GSE1: variants seen among roughly 807,000 people sequenced by gnomAD.
The protein encoded by GSE1 is Gse1 coiled-coil protein.
A neutral mutation model predicts 112.6 loss-of-function variants in GSE1; 32 were observed. The observed-to-expected ratio is 0.28, with a 90% CI of 0.21 to 0.38. GSE1 has a LOEUF of 0.38. Among genes scored for constraint, GSE1 ranks in the 10% least tolerant of loss-of-function variants. GSE1 has a pLI of 1.00. For synonymous variants in GSE1, 1,115 were observed against 735.6 expected (o/e 1.52, Z -8.35); for missense variants, 2,348 against 1,699.2 (o/e 1.38, Z -6.71).
intron 1 of GSE1, among the ~76,000 whole-genome samples, chr16:85,353,919 CT>C (rs1422087922): frequency 3.3e-5 from 5 of 152,224 alleles, no homozygotes; most frequent in Non-Finnish European, 7.3e-5. Context: ...TCCAAGCTGC[CT>C]TTGCAGGAAG....
At chr16:85,442,460 G>GAATT (rs71855946) in intron 2 of GSE1, among the ~76,000 whole-genome samples, 1 of 151,992 alleles carries the variant, frequency 6.6e-6, no homozygotes, top group Non-Finnish European at 1.5e-5. Flanking sequence ...ATGAATGAAT[G>GAATT]AATGAATGAA....
Position 85,673,324 on chromosome 16 carries a change from G to A in GSE1, c.*785G>A, listed in dbSNP as rs979330082. Reference sequence around the variant, plus strand: ...GTCAAAGGTGCTTCAGCCTTGTACTGTGTATATATATTAAAAAAAAAACAA... The same window carrying A: ...GTCAAAGGTGCTTCAGCCTTGTACTATGTATATATATTAAAAAAAAAACAA... On this transcript the variant is annotated 3_prime_UTR_variant, in exon 16 of 16. Transcript: ENST00000253458. 1 of 151,926 alleles carries A rather than the reference G, an allele frequency of 6.6e-6. No individual in the cohort carries two copies. The highest frequency in any genetic ancestry group is 1.5e-5 in the Non-Finnish European group (1 of 67,938). 9.4% of individuals were successfully genotyped at this position (151,926 alleles called of 1,614,324 possible).
At chr16:85,504,019 G>A (rs926373425) in intron 2 of GSE1, among the ~76,000 whole-genome samples, 3 of 152,226 alleles carry the variant, frequency 2.0e-5, no homozygotes, top group Non-Finnish European at 4.4e-5. Context: ...TGCCGACCCT[G>A]CAGAAAAGCG....
At chr16:85,544,414 G>A (rs1457133855) in intron 2 of GSE1, among the ~76,000 whole-genome samples, 1 of 152,190 alleles carries the variant, frequency 6.6e-6, no homozygotes, top group African/African-American at 2.4e-5. Context: ...GGCAAGTAAA[G>A]GACAGCTCAG....
chr16:85,625,152 G>A (rs1333243724), intron 1 of GSE1, among the ~76,000 whole-genome samples: 1 of 152,144 alleles, frequency 6.6e-6, no homozygotes, highest in Non-Finnish European at 1.5e-5. Flanking sequence ...CCCTGCCGAG[G>A]CCAGGCTGCC....
At chr16:85,553,251 G>T (rs1048100457), upstream of GSE1, among the ~76,000 whole-genome samples, 4 of 149,502 alleles carry the variant, frequency 2.7e-5, no homozygotes, top group African/African-American at 9.8e-5. Flanking sequence ...TGGGGGCAGG[G>T]AGGGCAGGTG....
At chr16:85,544,558 C>A (rs2044631973) in intron 2 of GSE1, among the ~76,000 whole-genome samples, 1 of 152,186 alleles carries the variant, frequency 6.6e-6, no homozygotes, top group Admixed American at 6.5e-5. Context: ...CCACTCTGGT[C>A]TGTCGCACTA....
intron 1 of GSE1, among the ~76,000 whole-genome samples, chr16:85,567,796 C>T (rs1042658966): frequency 2.6e-5 from 4 of 152,240 alleles, no homozygotes; most frequent in Non-Finnish European, 5.9e-5. Flanking sequence ...GATCTCAGCT[C>T]ACTGCAGCCT....
At position 85,663,411 on chromosome 16, in the gene GSE1, A is replaced by AGCGGAGGAAGCG; in HGVS notation, c.2450_2461dup (p.Lys817_Arg820dup). 6.2e-7 allele frequency: 1 copy of AGCGGAGGAAGCG among 1,613,934 alleles called. No homozygotes were observed. Among genetic ancestry groups the AGCGGAGGAAGCG allele is most frequent in the Non-Finnish European group, 8.5e-7 (1 of 1,180,030 alleles). On this transcript the variant is annotated inframe_insertion, in exon 11 of 16. Coordinates refer to ENST00000253458, the MANE Select transcript of GSE1 (RefSeq NM_014615.5). ...CAGAAGGAGGAATTGGTGGCCCAGA[A>AGCGGAGGAAGCG]GCGGAGGAAGCGGCGGAGGATGCTG...
At chr16:85,237,788 A>G (rs1177983339) in intron 1 of GSE1, among the ~76,000 whole-genome samples, 1 of 151,600 alleles carries the variant, frequency 6.6e-6, no homozygotes, top group East Asian at 1.9e-4. Flanking sequence ...TAGTGAGCCA[A>G]GATCGCGCCA....
At chr16:85,178,324 G>A (rs914734263) in intron 1 of GSE1, among the ~76,000 whole-genome samples, 7 of 152,070 alleles carry the variant, frequency 4.6e-5, no homozygotes, top group African/African-American at 1.7e-4. Context: ...ATGTTGGGGG[G>A]TAATGTGCTG....
intron 1 of GSE1, among the ~76,000 whole-genome samples, chr16:85,193,576 C>T (rs374106794): frequency 4.6e-5 from 7 of 152,294 alleles, no homozygotes; most frequent in African/African-American, 1.7e-4. Flanking sequence ...TCTCCTGCCT[C>T]AGCCTCCCGA....
chr16:85,359,276 C>T, intron 2 of GSE1: 1 of 407,818 alleles, frequency 2.5e-6, no homozygotes, highest in Non-Finnish European at 5.0e-6. Flanking sequence ...CCTGGCGGCT[C>T]ACGGGTCAGT....
chr16:85,214,515 G>T (rs1312378244), intron 1 of GSE1, among the ~76,000 whole-genome samples: 1 of 152,152 alleles, frequency 6.6e-6, no homozygotes, highest in Non-Finnish European at 1.5e-5. Context: ...CGGCCCCGGA[G>T]CCTTCAGAGG....
chr16:85,566,757 G>A (rs945295225), intron 1 of GSE1, among the ~76,000 whole-genome samples: 4 of 152,174 alleles, frequency 2.6e-5, no homozygotes, highest in South Asian at 4.1e-4. Context: ...AACTTCTGTC[G>A]TCTTGGTAAC....
chr16:85,594,766 G>A (rs2047150170), intron 1 of GSE1: 1 of 152,310 alleles, frequency 6.6e-6, no homozygotes, highest in Non-Finnish European at 1.5e-5. Context: ...TCTGTCGAGT[G>A]ACACCTGCAC....
At chr16:85,553,076 G>A (rs2045004206), upstream of GSE1, among the ~76,000 whole-genome samples, 1 of 152,044 alleles carries the variant, frequency 6.6e-6, no homozygotes, top group Non-Finnish European at 1.5e-5. Flanking sequence ...AGTAAGATGG[G>A]AGATTTTTCC....
At chr16:85,639,383 C>A (rs982918859) in intron 2 of GSE1, among the ~76,000 whole-genome samples, 3 of 152,228 alleles carry the variant, frequency 2.0e-5, no homozygotes, top group African/African-American at 7.2e-5. Flanking sequence ...CAACCACCCC[C>A]ATAGGCATCT....
intron 2 of GSE1, among the ~76,000 whole-genome samples, chr16:85,437,601 C>G (rs962987413): frequency 1.3e-5 from 2 of 152,062 alleles, no homozygotes; most frequent in African/African-American, 4.8e-5. Context: ...GGATTGGGAT[C>G]GGAGACCAGG....
Sources: gnomAD v4.1 joint callset for allele counts (sites outside exome capture counted in the v4.1 genomes callset) on GRCh38, gnomAD v4.1.1 for gene constraint, MANE v1.5 for transcripts, NCBI Gene and HGNC (gene_info 2026-07-23, HGNC 2026-07-21) for gene names.